The following ETV7 variants were observed in gnomAD, a reference collection of about 807,000 sequenced individuals.
ETV7 encodes the protein ETS variant transcription factor 7, also known as transcription factor ETV7.
Under a neutral mutation model 39.1 loss-of-function variants are expected in ETV7, and 43 were observed. The ratio of observed to expected loss-of-function variants is 1.10; its 90% confidence interval spans 0.86 to 1.42. ETV7 has a LOEUF of 1.42. Ranked by LOEUF, ETV7 falls within the 40% of genes most tolerant of loss-of-function variation. The pLI is 0.00. For missense variants in ETV7, 432 were observed against 442.3 expected, an observed-to-expected ratio of 0.98 and a Z score of 0.21; for synonymous variants, 196 against 176.6, an observed-to-expected ratio of 1.11 and a Z score of -0.87.
In ETV7 at chr6:36,354,551, A is replaced by G. The variant is rs910655111; in HGVS notation, c.*91T>C. On this transcript the variant is annotated 3_prime_UTR_variant, in exon 8 of 8. Transcript: ENST00000339796. Reference sequence around the variant, plus strand: ...CTTATGCCATTACCAATCTTTGTTGAGTACTATAGCTTTGTAGCAAGTTTC... The same window carrying G: ...CTTATGCCATTACCAATCTTTGTTGGGTACTATAGCTTTGTAGCAAGTTTC... 4.8e-5 allele frequency: 31 copies of G among 642,894 alleles called. No individual in the cohort carries two copies. In the Admixed American group the frequency reaches 6.0e-4, roughly 12 times the overall value. The allele number at this position is 642,894 out of a possible 1,614,324, so 39.8% of individuals were successfully genotyped here.
At position 36,366,410 on chromosome 6, in the gene ETV7, G is replaced by C. The variant is rs958868627; in HGVS notation, c.*235C>G. 1.5e-6 allele frequency: 2 copies of C among 1,372,294 alleles called. No homozygotes were observed. The highest frequency in any genetic ancestry group is 9.4e-7 in the Non-Finnish European group (1 of 1,061,616). The allele number at this position is 1,372,294 out of a possible 1,614,324, so 85.0% of individuals were successfully genotyped here. On this transcript the variant is annotated 3_prime_UTR_variant, in exon 8 of 8. Transcript: ENST00000340181. Reference sequence around the variant, plus strand: ...CCTCTCCCAGGGGTGCAGTAGGGGAGAGTCCATTCCCCTGTACCTCATTTA... The same window carrying C: ...CCTCTCCCAGGGGTGCAGTAGGGGACAGTCCATTCCCCTGTACCTCATTTA...
chr6:36,374,876 C>A (rs142823081), intron 3 of ETV7, among the ~76,000 whole-genome samples: 3,309 of 152,176 alleles, frequency 0.022, 88 homozygotes, highest in African/African-American at 0.058. Flanking sequence ...TTGAGACCAG[C>A]CTGGCCAACA....
intron 4 of ETV7, among the ~76,000 whole-genome samples, chr6:36,372,199 G>C (rs983538750): frequency 1.3e-5 from 2 of 152,194 alleles, no homozygotes; most frequent in Admixed American, 1.3e-4. Context: ...TGGGTATCTA[G>C]AGCAGAGAGG....
intron 7 of ETV7, 48 bp from the exon 8 acceptor site, chr6:36,366,810 G>C: frequency 6.2e-7 from 1 of 1,613,280 alleles, no homozygotes; most frequent in Non-Finnish European, 8.5e-7. Flanking sequence ...CCAGCTGCAG[G>C]GGGATTCCAG....
intron 4 of ETV7, 34 bp downstream of exon 4, chr6:36,373,419 G>C: frequency 6.7e-7 from 1 of 1,499,636 alleles, no homozygotes; most frequent in Non-Finnish European, 8.9e-7. Context: ...TGATTTGAGG[G>C]AGGTACTCCG....
At chr6:36,373,662 C>T in intron 3 of ETV7, 84 bp from the exon 4 acceptor site, 1 of 1,437,112 alleles carries the variant, frequency 7.0e-7, no homozygotes, top group Non-Finnish European at 9.2e-7. Context: ...CCACCTGCCT[C>T]AGGGCAAGGG....
Position 36,366,529 on chromosome 6 carries a change from TGTGGGTACAGA to T in ETV7, c.*105_*115del. On this transcript the variant is annotated 3_prime_UTR_variant, in exon 8 of 8. Coordinates refer to ENST00000340181, the MANE Select transcript of ETV7 (RefSeq NM_016135.4). The stretch of plus-strand genomic sequence containing the variant: ...CCTTCCCAAGCAATGGCTGTAATCC[TGTGGGTACAGA>T]GTCTGGCTGGGGATCCTGCTGCTCT... 6.4e-7 allele frequency: 1 copy of T among 1,560,358 alleles called. No individual in the cohort carries two copies. The highest frequency in any genetic ancestry group is 8.7e-7 in the Non-Finnish European group (1 of 1,154,442).
At chr6:36,387,426 G>A (rs1282077196) in intron 1 of ETV7, 110 bp downstream of exon 1, 4 of 1,432,502 alleles carry the variant, frequency 2.8e-6, no homozygotes, top group East Asian at 2.3e-5. Context: ...AGAGATTCCC[G>A]CCAGGTAAAA....
downstream of ETV7, among the ~76,000 whole-genome samples, chr6:36,363,249 TG>T (rs1449268315): frequency 6.6e-6 from 1 of 152,170 alleles, no homozygotes; most frequent in Non-Finnish European, 1.5e-5. Context: ...TTCTTTCTGA[TG>T]TTCCGACGTG....
chr6:36,376,297 A>G (rs891628055), intron 2 of ETV7, among the ~76,000 whole-genome samples: 1 of 152,202 alleles, frequency 6.6e-6, no homozygotes, highest in Non-Finnish European at 1.5e-5. Context: ...GTACCTCCCC[A>G]CCACCTGTTT....
At chr6:36,385,483 A>T (rs1773850054) in intron 2 of ETV7, 51 bp downstream of exon 2, 2 of 1,611,984 alleles carry the variant, frequency 1.2e-6, no homozygotes, top group East Asian at 4.5e-5. Flanking sequence ...ATCTAAAACA[A>T]AATAAAAATT....
chr6:36,377,251 A>C (rs1201450850), intron 2 of ETV7, among the ~76,000 whole-genome samples: 1 of 152,172 alleles, frequency 6.6e-6, no homozygotes. Flanking sequence ...ACTTGAGCCC[A>C]GGAGTTTGAG....
intron 2 of ETV7, among the ~76,000 whole-genome samples, chr6:36,379,560 A>AAAGAAGAAG (rs145420270): frequency 3.5e-5 from 5 of 143,808 alleles, no homozygotes; most frequent in African/African-American, 1.3e-4. Flanking sequence ...AAAAAAAAAA[A>AAAGAAGAAG]AAGAAGAAGA....
intron 7 of ETV7, among the ~76,000 whole-genome samples, chr6:36,360,506 A>G (rs966764741): frequency 1.3e-5 from 2 of 151,784 alleles, no homozygotes; most frequent in Admixed American, 1.3e-4. Context: ...TGGAGGTGTG[A>G]GTTCCCCGTC....
intron 1 of ETV7, among the ~76,000 whole-genome samples, chr6:36,386,404 G>A (rs928631343): frequency 1.3e-5 from 2 of 152,166 alleles, no homozygotes; most frequent in African/African-American, 4.8e-5. Flanking sequence ...GTCTCACCAC[G>A]GGAAGCCTGT....
At chr6:36,375,807 G>A (rs1323575285) in intron 3 of ETV7, 64 bp downstream of exon 3, 1 of 1,610,100 alleles carries the variant, frequency 6.2e-7, no homozygotes, top group South Asian at 1.1e-5. Flanking sequence ...CCCCCCGGGG[G>A]TACTTGGGCC....
chr6:36,387,321 T>C (rs1376624487), intron 1 of ETV7, among the ~76,000 whole-genome samples: 1 of 151,818 alleles, frequency 6.6e-6, no homozygotes, highest in Non-Finnish European at 1.5e-5. Flanking sequence ...GAGCTGTGTA[T>C]GACACCGAGA....
downstream of ETV7, among the ~76,000 whole-genome samples, chr6:36,363,133 A>G (rs547958325): frequency 4.6e-5 from 7 of 152,336 alleles, no homozygotes; most frequent in South Asian, 1.4e-3. Flanking sequence ...AGGAGGTGAT[A>G]ATGTGTCCAG....
intron 7 of ETV7, among the ~76,000 whole-genome samples, chr6:36,357,778 T>C (rs965583149): frequency 8.5e-5 from 13 of 152,180 alleles, no homozygotes; most frequent in African/African-American, 2.9e-4. Flanking sequence ...CTCGGGAGGC[T>C]GAGGCATGAG....
Sources: allele counts gnomAD v4.1 joint callset (sites outside exome capture counted in the v4.1 genomes callset), GRCh38; gene constraint gnomAD v4.1.1; transcripts MANE v1.5; gene names NCBI Gene and HGNC (gene_info 2026-07-23, HGNC 2026-07-21).